The following FBXL20 variants were observed in gnomAD, a reference collection of about 807,000 sequenced individuals.
The protein encoded by FBXL20 is F-box and leucine rich repeat protein 20, also known as F-box/LRR-repeat protein 20.
Under a neutral mutation model 64.0 loss-of-function variants are expected in FBXL20, and 11 were observed. The ratio of observed to expected loss-of-function variants is 0.17; its 90% CI spans 0.11 to 0.28. The LOEUF (loss-of-function observed/expected upper bound fraction) is 0.28. Ranked by LOEUF, FBXL20 falls within the 10% of genes least tolerant of loss-of-function variation. The pLI, the probability that FBXL20 is intolerant of heterozygous loss-of-function variation, is 1.00. For synonymous variants in FBXL20, 184 were observed against 189.0 expected (o/e 0.97, Z 0.22); for missense variants, 303 against 526.2 (o/e 0.58, Z 4.15).
At chr17:39,367,992 G>A (rs879486926) in intron 1 of FBXL20, among the ~76,000 whole-genome samples, 38 of 150,702 alleles carry the variant, frequency 2.5e-4, no homozygotes, top group Non-Finnish European at 4.1e-4. Flanking sequence ...TGGCCAGGCT[G>A]ATCTCAAACT....
intron 9 of FBXL20, among the ~76,000 whole-genome samples, chr17:39,276,925 C>T (rs78545142): frequency 9.3e-4 from 142 of 152,172 alleles, no homozygotes; most frequent in African/African-American, 3.2e-3. Context: ...CCCCCAACTC[C>T]CGTAAACAAA....
At chr17:39,370,316 C>G (rs2047903969) in intron 1 of FBXL20, among the ~76,000 whole-genome samples, 2 of 149,930 alleles carry the variant, frequency 1.3e-5, no homozygotes, top group South Asian at 4.2e-4. Flanking sequence ...CATGGCAAAA[C>G]CCAGTCTCTA....
In FBXL20 at chr17:39,364,866, T is replaced by C. The variant is rs184837005; in HGVS notation, c.43-21625A>G. 3.0e-3 allele frequency among the ~76,000 whole-genome samples: 458 copies of C among 152,274 alleles called. 1 individual carries two copies. Among genetic ancestry groups the C allele is most frequent in the Middle Eastern group, 0.017 (5 of 294 alleles). On this transcript the variant is annotated intron_variant, in intron 1 of 14. Transcript: ENST00000264658. ...TCAAGTCACCAAATGACTGCAGTCT[T>C]ATGAGCGACCTATTGGGGAGATGGC...
chr17:39,355,861 A>AAG (rs2047733353), intron 1 of FBXL20, among the ~76,000 whole-genome samples: 1 of 149,892 alleles, frequency 6.7e-6, no homozygotes, highest in Non-Finnish European at 1.5e-5. Context: ...GTCTCAAAAA[A>AAG]AAAAAAAAAA....
intron 1 of FBXL20, among the ~76,000 whole-genome samples, chr17:39,370,603 G>T (rs1465297089): frequency 6.6e-6 from 1 of 150,642 alleles, no homozygotes; most frequent in African/African-American, 2.4e-5. Context: ...TGGCTAACAC[G>T]GTGAAACCCC....
chr17:39,345,881 T>C lies in FBXL20; in HGVS notation c.43-2640A>G, dbSNP rs1332032752. 1.3e-5 allele frequency among the ~76,000 whole-genome samples: 2 copies of C among 152,022 alleles called. 1 individual carries two copies. Among genetic ancestry groups the C allele is most frequent in the Non-Finnish European group, 2.9e-5 (2 of 68,002 alleles). On this transcript the variant is annotated intron_variant, in intron 1 of 14. Transcript: ENST00000264658. ...TACAATAACCTACGTTCCAGATAAATGGAAAGCCCTGTGAGGGCAGGGAGC... is the reference window on the plus strand; with the variant it reads ...TACAATAACCTACGTTCCAGATAAACGGAAAGCCCTGTGAGGGCAGGGAGC...
intron 11 of FBXL20, among the ~76,000 whole-genome samples, chr17:39,270,452 G>T (rs1231947677): frequency 6.6e-6 from 1 of 152,150 alleles, no homozygotes; most frequent in African/African-American, 2.4e-5. Context: ...GCTGAGGCAG[G>T]AGAAATGCTT....
At chr17:39,391,068 C>T (rs2048129133) in intron 1 of FBXL20, among the ~76,000 whole-genome samples, 1 of 151,982 alleles carries the variant, frequency 6.6e-6, no homozygotes. Context: ...TAGTTGTATT[C>T]TTCCCTCTGT....
At chr17:39,365,348 C>A (rs2144623862) in intron 1 of FBXL20, among the ~76,000 whole-genome samples, 1 of 152,238 alleles carries the variant, frequency 6.6e-6, no homozygotes, top group East Asian at 1.9e-4. Flanking sequence ...TTTATAATTC[C>A]TCCGCCCAAC....
Position 39,303,607 on chromosome 17 carries a change from C to T in FBXL20, c.137G>A (p.Cys46Tyr). Residue 46 changes from cysteine to tyrosine, a missense_variant, in exon 3 of 15, where the codon TGC becomes TAC. Physicochemically the swap from Cys to Tyr is radical, Grantham distance 194. Around this residue, in one of 3 missense-constraint regions of FBXL20, gnomAD observed 246 missense variants for 422.6 expected, o/e 0.58. Transcript: ENST00000264658. ...TACCCTGGAGACCTGAGCACAGCGGCACAGGGTAACAACATCTAGAAAAGA... is the reference window on the plus strand; with the variant it reads ...TACCCTGGAGACCTGAGCACAGCGGTACAGGGTAACAACATCTAGAAAAGA... The part of the protein sequence containing the change: ...IFSFLDVVTL[C>Y]RCAQVSRAWN... 6.2e-7 allele frequency: 1 copy of T among 1,611,242 alleles called. No homozygotes were observed. The highest frequency in any genetic ancestry group is 8.5e-7 in the Non-Finnish European group (1 of 1,178,662).
At chr17:39,339,566 C>T (rs1341496802) in intron 2 of FBXL20, among the ~76,000 whole-genome samples, 1 of 152,094 alleles carries the variant, frequency 6.6e-6, no homozygotes, top group African/African-American at 2.4e-5. Context: ...TTCAATGTAA[C>T]GTGCAATCCT....
chr17:39,321,191 C>T (rs187520752), intron 2 of FBXL20, among the ~76,000 whole-genome samples: 156 of 152,158 alleles, frequency 1.0e-3, no homozygotes, highest in African/African-American at 3.4e-3. Flanking sequence ...CGGTGGCTCA[C>T]GCTTGTAATC....
At chr17:39,391,242 C>A (rs2048130529) in intron 1 of FBXL20, among the ~76,000 whole-genome samples, 1 of 141,578 alleles carries the variant, frequency 7.1e-6, no homozygotes, top group African/African-American at 2.6e-5. Context: ...CTAGTAAGAC[C>A]ACCTGTCTCA....
intron 14 of FBXL20, among the ~76,000 whole-genome samples, chr17:39,261,958 G>A (rs62074994): frequency 0.62 from 93,845 of 151,588 alleles, 32,208 homozygotes; most frequent in South Asian, 0.89. Flanking sequence ...TAGTAGAGAC[G>A]GGGTTTCACC....
intron 2 of FBXL20, among the ~76,000 whole-genome samples, chr17:39,314,501 A>G (rs2047265845): frequency 6.6e-6 from 1 of 151,922 alleles, no homozygotes; most frequent in Admixed American, 6.6e-5. Context: ...GGCACAAGGA[A>G]CCACATCCAG....
chr17:39,285,155 C>T (rs1241189264), intron 7 of FBXL20, among the ~76,000 whole-genome samples: 3 of 151,974 alleles, frequency 2.0e-5, no homozygotes, highest in Non-Finnish European at 4.4e-5. Flanking sequence ...CTGCCTGCCT[C>T]GGCCGCCCAA....
At chr17:39,348,438 G>A (rs544225255) in intron 1 of FBXL20, among the ~76,000 whole-genome samples, 19 of 150,232 alleles carry the variant, frequency 1.3e-4, no homozygotes, top group Admixed American at 7.3e-4. Flanking sequence ...CCAGCCTGGC[G>A]ACAGAACGAG....
chr17:39,313,047 T>C lies in FBXL20; in HGVS notation c.105-9408A>G, dbSNP rs368774905. On this transcript the variant is annotated intron_variant, in intron 2 of 14. Transcript: ENST00000264658. The stretch of plus-strand genomic sequence containing the variant: ...GATTCTCCTGCCTCAGCCTCCTGAG[T>C]AGCTGGAATTACCGGCGCGCACCAT... 1.1e-4 allele frequency among the ~76,000 whole-genome samples: 16 copies of C among 149,630 alleles called. No homozygotes were observed. In the East Asian group the frequency reaches 3.2e-3, roughly 30 times the overall value.
intron 1 of FBXL20, among the ~76,000 whole-genome samples, chr17:39,355,463 G>T (rs751987533): frequency 6.6e-6 from 1 of 152,168 alleles, no homozygotes; most frequent in Non-Finnish European, 1.5e-5. Context: ...CCCAGACTGT[G>T]TTTTCTACTT....
Sources: gnomAD v4.1 joint callset for allele counts (sites outside exome capture counted in the v4.1 genomes callset) on GRCh38, gnomAD v4.1.1 for gene constraint, gnomAD v4.1.1 regional missense constraint, MANE v1.5 for transcripts, NCBI Gene and HGNC (gene_info 2026-07-23, HGNC 2026-07-21) for gene names.